The following TTC28 variants were observed in gnomAD, a reference collection of about 807,000 sequenced individuals.
TTC28 encodes the protein tetratricopeptide repeat domain 28.
TTC28 carries 61 observed loss-of-function variants against 198.0 expected under a neutral mutation model. The observed-to-expected ratio is 0.31, with a 90% confidence interval of 0.25 to 0.38. The LOEUF (loss-of-function observed/expected upper bound fraction) is 0.38, where lower values mean the gene tolerates loss of function less well. Among genes scored for constraint, TTC28 ranks in the 10% least tolerant of loss-of-function variants. TTC28 has a pLI of 1.00. For synonymous variants in TTC28, 1,171 were observed against 1,297.8 expected (o/e 0.90, Z 2.10); for missense variants, 2,678 against 3,164.0 (o/e 0.85, Z 3.69).
At chr22:28,670,894 C>A (rs1247062832) in intron 1 of TTC28, among the ~76,000 whole-genome samples, 2 of 152,052 alleles carry the variant, frequency 1.3e-5, no homozygotes, top group Non-Finnish European at 2.9e-5. Flanking sequence ...ACTTTAGCCA[C>A]CCCAGTTGAT....
chr22:28,597,916 C>T (rs536287178), intron 2 of TTC28, among the ~76,000 whole-genome samples: 3 of 152,100 alleles, frequency 2.0e-5, no homozygotes, highest in African/African-American at 4.8e-5. Flanking sequence ...CTCAGCCTTC[C>T]AAGTAGCTGG....
chr22:28,405,969 T>G lies in TTC28; in HGVS notation c.382-99326A>C, dbSNP rs1442930791. Among the ~76,000 whole-genome samples, 4 of 152,250 alleles carry G rather than the reference T, an allele frequency of 2.6e-5. No individual in the cohort carries two copies. The East Asian group carries it at 7.7e-4, about 29-fold the overall frequency. ...GCCCTGCTCCACAAAGAACAGTACCTCTGCTGCTGCTATACACTGTCACTT... is the reference window on the plus strand; with the variant it reads ...GCCCTGCTCCACAAAGAACAGTACCGCTGCTGCTGCTATACACTGTCACTT... On this transcript the variant is annotated intron_variant, in intron 2 of 22. Transcript: ENST00000397906.
At position 28,023,061 on chromosome 22, in the gene TTC28, C is replaced by T. The variant is rs148361265; in HGVS notation, c.4073+7165G>A. Reference sequence around the variant, plus strand: ...GGGACCCTGGCTCTTACGGTGGTGCCTGGCTCCTCTCAAGCCCAGGAATGA... The same window carrying T: ...GGGACCCTGGCTCTTACGGTGGTGCTTGGCTCCTCTCAAGCCCAGGAATGA... On this transcript the variant is annotated intron_variant, in intron 13 of 22. Transcript: ENST00000397906. 3.4e-3 allele frequency among the ~76,000 whole-genome samples: 521 copies of T among 152,362 alleles called. 2 individuals are homozygous for T. Among genetic ancestry groups the T allele is most frequent in the Admixed American group, 6.1e-3 (93 of 15,308 alleles).
At chr22:28,526,463 T>C (rs908490264) in intron 2 of TTC28, among the ~76,000 whole-genome samples, 8 of 152,084 alleles carry the variant, frequency 5.3e-5, no homozygotes, top group Non-Finnish European at 1.0e-4. Context: ...AAAACAGAAG[T>C]GTCAAATCTT....
intron 5 of TTC28, among the ~76,000 whole-genome samples, chr22:28,213,973 C>A (rs1425527809): frequency 2.6e-5 from 4 of 152,076 alleles, no homozygotes; most frequent in Admixed American, 6.5e-5. Context: ...AGAAATAATG[C>A]CGCATATCTA....
intron 21 of TTC28, among the ~76,000 whole-genome samples, chr22:27,987,189 C>T (rs1937242239): frequency 1.3e-5 from 2 of 152,206 alleles, no homozygotes; most frequent in Admixed American, 6.5e-5. Flanking sequence ...CAGACCGACT[C>T]GCCCCTTGAG....
intron 2 of TTC28, among the ~76,000 whole-genome samples, chr22:28,614,742 T>A (rs2050873705): frequency 6.6e-6 from 1 of 152,162 alleles, no homozygotes; most frequent in Non-Finnish European, 1.5e-5. Context: ...GCTAGCCATA[T>A]GCAAAAAACC....
intron 5 of TTC28, among the ~76,000 whole-genome samples, chr22:28,205,585 T>C (rs1926334793): frequency 6.6e-6 from 1 of 152,136 alleles, no homozygotes; most frequent in African/African-American, 2.4e-5. Flanking sequence ...ATGATTGACC[T>C]ATTTGGCTAG....
At chr22:28,014,574 G>A (rs182723795) in intron 13 of TTC28, among the ~76,000 whole-genome samples, 182 bp from the exon 14 acceptor site, 215 of 152,264 alleles carry the variant, frequency 1.4e-3, no homozygotes, top group Non-Finnish European at 1.4e-3. Flanking sequence ...ACACTACAGT[G>A]AGCACTGTCA....
At chr22:28,537,242 G>A (rs912331220) in intron 2 of TTC28, among the ~76,000 whole-genome samples, 11 of 146,490 alleles carry the variant, frequency 7.5e-5, no homozygotes, top group Admixed American at 2.8e-4. Flanking sequence ...GCAGTGAGTC[G>A]AGATTGCGCC....
intron 6 of TTC28, among the ~76,000 whole-genome samples, chr22:28,130,394 C>A (rs1345975033): frequency 1.3e-5 from 2 of 152,182 alleles, no homozygotes; most frequent in African/African-American, 4.8e-5. Flanking sequence ...CACTTTGATG[C>A]TTCAGAAACT....
Position 27,979,856 on chromosome 22 carries a change from T to C in TTC28, c.*2365A>G, listed in dbSNP as rs1033995654. On this transcript the variant is annotated 3_prime_UTR_variant, in exon 23 of 23. Coordinates refer to ENST00000397906, the MANE Select transcript of TTC28 (RefSeq NM_001145418.2). ...AGACTGTTCTATCATTTTATCACTT[T>C]TGTTTTCCCTTCCTTGAAACTTATA... 10 of 152,246 alleles carry C rather than the reference T, an allele frequency of 6.6e-5. No individual in the cohort carries two copies. Among genetic ancestry groups the C allele is most frequent in the African/African-American group, 2.4e-4 (10 of 41,470 alleles). The allele number at this position is 152,246 out of a possible 1,614,324, so 9.4% of individuals were successfully genotyped here.
chr22:28,542,177 A>C (rs1463229316), intron 2 of TTC28, among the ~76,000 whole-genome samples: 1 of 152,196 alleles, frequency 6.6e-6, no homozygotes, highest in East Asian at 1.9e-4. Context: ...TTAATAAAAA[A>C]TAAAAATAAA....
chr22:27,999,547 G>A (rs1219247590), intron 15 of TTC28: 4 of 412,556 alleles, frequency 9.7e-6, no homozygotes, highest in Admixed American at 8.2e-5. Context: ...AGAGTGGACA[G>A]AGGCCGTGGA....
intron 2 of TTC28, among the ~76,000 whole-genome samples, chr22:28,369,803 A>G (rs957423348): frequency 6.6e-6 from 1 of 152,228 alleles, no homozygotes; most frequent in Non-Finnish European, 1.5e-5. Context: ...TACTATCTAT[A>G]AAAACTTTCA....
At chr22:28,460,552 ATATGTATG>A (rs746237977) in intron 2 of TTC28, among the ~76,000 whole-genome samples, 1 of 151,828 alleles carries the variant, frequency 6.6e-6, no homozygotes, top group Non-Finnish European at 1.5e-5. Context: ...GTATATATAT[ATATGTATG>A]TATGTATGTA....
At chr22:28,350,113 T>G (rs1043532401) in intron 2 of TTC28, among the ~76,000 whole-genome samples, 2 of 152,250 alleles carry the variant, frequency 1.3e-5, no homozygotes, top group Non-Finnish European at 2.9e-5. Flanking sequence ...ATCTCTCACC[T>G]TTCTTTGTCC....
At chr22:28,238,606 G>T (rs1929428240) in intron 5 of TTC28, among the ~76,000 whole-genome samples, 1 of 152,136 alleles carries the variant, frequency 6.6e-6, no homozygotes, top group Non-Finnish European at 1.5e-5. Context: ...GTTGAGCATA[G>T]CCTTTACCAG....
chr22:28,298,056 C>T (rs575066153), intron 3 of TTC28, among the ~76,000 whole-genome samples: 5 of 152,292 alleles, frequency 3.3e-5, no homozygotes, highest in African/African-American at 1.2e-4. Flanking sequence ...TCCTTCTCCT[C>T]ACTCTTGCAT....
Sources: gnomAD v4.1 joint callset for allele counts (sites outside exome capture counted in the v4.1 genomes callset) on GRCh38, gnomAD v4.1.1 for gene constraint, MANE v1.5 for transcripts, NCBI Gene and HGNC (gene_info 2026-07-23, HGNC 2026-07-21) for gene names.